PDE10A: variants seen among roughly 807,000 people sequenced by gnomAD.
PDE10A encodes the protein phosphodiesterase 10A.
PDE10A carries 39 observed loss-of-function variants against 97.7 expected under a neutral mutation model. The ratio of observed to expected loss-of-function variants is 0.40; its 90% CI spans 0.31 to 0.52. The LOEUF is 0.52. Among genes scored for constraint, PDE10A ranks in the 20% least tolerant of loss-of-function variants. PDE10A has a pLI of 0.56. For synonymous variants in PDE10A, 371 were observed against 376.8 expected (o/e 0.98, Z 0.18); for missense variants, 731 against 1,047.8 (o/e 0.70, Z 4.17).
chr6:165,561,093 C>G (rs918762053), intron 1 of PDE10A, among the ~76,000 whole-genome samples: 1 of 152,048 alleles, frequency 6.6e-6, no homozygotes, highest in Admixed American at 6.6e-5. Context: ...GTGGCGGGCA[C>G]CTGTAGTCCC....
intron 18 of PDE10A, among the ~76,000 whole-genome samples, chr6:165,344,813 G>T (rs892605150): frequency 6.6e-6 from 1 of 152,146 alleles, no homozygotes; most frequent in African/African-American, 2.4e-5. Flanking sequence ...AGGGTATCAG[G>T]TCTCTTACAG....
intron 13 of PDE10A, among the ~76,000 whole-genome samples, chr6:165,400,498 A>C (rs2128220403): frequency 6.6e-6 from 1 of 152,352 alleles, no homozygotes; most frequent in Middle Eastern, 3.4e-3. Flanking sequence ...AAAATCAATA[A>C]GAAAACAAAC....
At chr6:165,957,030 G>A (rs1441377914) in intron 1 of PDE10A, among the ~76,000 whole-genome samples, 3 of 152,200 alleles carry the variant, frequency 2.0e-5, no homozygotes. Context: ...GGCTTCAGGG[G>A]AGGAGCATTT....
At chr6:165,802,371 T>C (rs895755691) in intron 1 of PDE10A, among the ~76,000 whole-genome samples, 4 of 152,192 alleles carry the variant, frequency 2.6e-5, no homozygotes, top group Non-Finnish European at 4.4e-5. Context: ...ACTTCCCAAG[T>C]TTGTCACACC....
chr6:165,832,011 C>T (rs183297512), intron 1 of PDE10A, among the ~76,000 whole-genome samples: 1 of 152,020 alleles, frequency 6.6e-6, no homozygotes, highest in South Asian at 2.1e-4. Flanking sequence ...AACTACAAGG[C>T]CAACAGGAAG....
At chr6:165,421,892 T>C (rs1303247489) in intron 10 of PDE10A, among the ~76,000 whole-genome samples, 1 of 152,032 alleles carries the variant, frequency 6.6e-6, no homozygotes, top group Non-Finnish European at 1.5e-5. Context: ...CAAAACCCTG[T>C]CTCTACTAAA....
intron 1 of PDE10A, among the ~76,000 whole-genome samples, chr6:165,848,828 T>G (rs1780494641): frequency 6.6e-6 from 1 of 152,154 alleles, no homozygotes; most frequent in Non-Finnish European, 1.5e-5. Context: ...AGCCTGCCTT[T>G]CCCAGGGGGG....
chr6:165,455,017 T>A (rs1392571199), intron 3 of PDE10A, among the ~76,000 whole-genome samples: 5 of 152,136 alleles, frequency 3.3e-5, no homozygotes, highest in Admixed American at 1.3e-4. Flanking sequence ...ATAGCACAGA[T>A]CTTCCTCCTG....
At chr6:165,739,352 G>T (rs1042795107) in intron 1 of PDE10A, among the ~76,000 whole-genome samples, 16 of 152,172 alleles carry the variant, frequency 1.1e-4, no homozygotes, top group Non-Finnish European at 1.6e-4. Flanking sequence ...AAATTAGTTG[G>T]TCTTCCACAA....
chr6:165,441,929 G>C (rs905301990), intron 5 of PDE10A, among the ~76,000 whole-genome samples: 2 of 152,048 alleles, frequency 1.3e-5, no homozygotes, highest in Admixed American at 1.3e-4. Context: ...TATTTTCCTT[G>C]AAAACTGTTC....
At chr6:165,525,202 T>C (rs2128310895) in intron 2 of PDE10A, among the ~76,000 whole-genome samples, 1 of 152,288 alleles carries the variant, frequency 6.6e-6, no homozygotes, top group East Asian at 1.9e-4. Context: ...TTGAGTTATC[T>C]AATTTATATA....
chr6:165,530,220 G>C (rs1782015090), intron 2 of PDE10A, among the ~76,000 whole-genome samples: 1 of 151,796 alleles, frequency 6.6e-6, no homozygotes, highest in South Asian at 2.1e-4. Flanking sequence ...CCTACTGTGG[G>C]AACTTGTGAT....
At chr6:165,564,381 T>G (rs1475629414) in intron 1 of PDE10A, among the ~76,000 whole-genome samples, 1 of 152,230 alleles carries the variant, frequency 6.6e-6, no homozygotes, top group Non-Finnish European at 1.5e-5. Flanking sequence ...CAAGGACTGA[T>G]AAGACCCGTT....
At chr6:165,918,890 A>G (rs1337112464) in intron 1 of PDE10A, among the ~76,000 whole-genome samples, 1 of 152,112 alleles carries the variant, frequency 6.6e-6, no homozygotes, top group African/African-American at 2.4e-5. Context: ...CGACCTGTTG[A>G]TGAGCTACAG....
At chr6:165,476,699 T>A (rs1364417058) in intron 3 of PDE10A, among the ~76,000 whole-genome samples, 1 of 152,144 alleles carries the variant, frequency 6.6e-6, no homozygotes, top group African/African-American at 2.4e-5. Context: ...CTAGTGAAAG[T>A]AACAAATTCA....
At chr6:165,686,130 G>GACACACACACACACAC (rs57547290) in intron 1 of PDE10A, among the ~76,000 whole-genome samples, 9 of 145,316 alleles carry the variant, frequency 6.2e-5, no homozygotes, top group African/African-American at 2.1e-4. Context: ...AATGTGCATG[G>GACACACACACACACAC]ACACACACAC....
At chr6:165,943,246 G>GGAAAGAAAGAAAGAAA (rs1783622181) in intron 1 of PDE10A, among the ~76,000 whole-genome samples, 2 of 52,246 alleles carry the variant, frequency 3.8e-5, no homozygotes, top group South Asian at 6.2e-4. Context: ...AAGGAAGGAA[G>GGAAAGAAAGAAAGAAA]GAAGGAAGGA....
intron 1 of PDE10A, among the ~76,000 whole-genome samples, chr6:165,877,261 C>T (rs1488872704): frequency 6.6e-6 from 1 of 152,158 alleles, no homozygotes; most frequent in Non-Finnish European, 1.5e-5. Flanking sequence ...GTGATAAATT[C>T]CACATAGGAT....
chr6:165,954,907 A>G (rs1784084083), intron 1 of PDE10A, among the ~76,000 whole-genome samples: 2 of 152,116 alleles, frequency 1.3e-5, no homozygotes, highest in South Asian at 4.1e-4. Context: ...TAGCTAAAGC[A>G]ACAGGCTTTG....
Sources: gnomAD v4.1 joint callset for allele counts (sites outside exome capture counted in the v4.1 genomes callset) on GRCh38, gnomAD v4.1.1 for gene constraint, MANE v1.5 for transcripts, NCBI Gene and HGNC (gene_info 2026-07-23, HGNC 2026-07-21) for gene names.